MAP4K1: variants seen among roughly 807,000 people sequenced by gnomAD.
MAP4K1 encodes the protein mitogen-activated protein kinase kinase kinase kinase 1, also known as MAPK/ERK kinase kinase kinase 1.
In MAP4K1, 35 loss-of-function variants were observed where a neutral mutation model predicts 122.8. The observed-to-expected ratio is 0.29, with a 90% CI of 0.22 to 0.38. The LOEUF is 0.38. Ranked by LOEUF, MAP4K1 falls within the 10% of genes least tolerant of loss-of-function variation. MAP4K1 has a pLI of 1.00. For missense variants in MAP4K1, 791 were observed against 1,072.6 expected (o/e 0.74, Z 3.67); for synonymous variants, 412 against 421.3 (o/e 0.98, Z 0.27).
At chr19:38,590,383 AAAAAAAAAAAAATATATATATATATATAT>A (rs1403172647) in intron 30 of MAP4K1, among the ~76,000 whole-genome samples, 3 of 69,996 alleles carry the variant, frequency 4.3e-5, no homozygotes, top group Admixed American at 1.8e-4. Context: ...GAAAAAAAAA[AAAAAAAAAAAAATATATATATATATATAT>A]ATATATATAT....
chr19:38,595,096 C>G (rs908065220), intron 29 of MAP4K1, among the ~76,000 whole-genome samples: 2 of 151,938 alleles, frequency 1.3e-5, no homozygotes, highest in Non-Finnish European at 1.5e-5. Context: ...ACCATCCAGC[C>G]TGATGAACAT....
intron 22 of MAP4K1, among the ~76,000 whole-genome samples, chr19:38,598,301 G>T (rs1599696222): frequency 6.6e-6 from 1 of 151,782 alleles, no homozygotes; most frequent in East Asian, 1.9e-4. Flanking sequence ...AAAGTGTTGG[G>T]ATTACAGGTG....
chr19:38,616,100 A>T, intron 4 of MAP4K1, 95 bp downstream of exon 4: 1 of 841,462 alleles, frequency 1.2e-6, no homozygotes, highest in African/African-American at 1.7e-5. Context: ...AGTTCCTGTG[A>T]GATACACACA....
At position 38,587,672 on chromosome 19, in the gene MAP4K1, G is replaced by A. The variant is rs913735626; in HGVS notation, c.*76C>T. 59 of 1,159,560 alleles carry A rather than the reference G, an allele frequency of 5.1e-5. No homozygotes were observed. The Middle Eastern group carries it at 6.6e-4, about 13-fold the overall frequency. The allele number at this position is 1,159,560 out of a possible 1,614,324, so 71.8% of individuals were successfully genotyped here. On this transcript the variant is annotated 3_prime_UTR_variant, in exon 31 of 31. Transcript: ENST00000396857. ...GCTAAAGTCATGTTTATTGGGAGAT[G>A]AGGACATGCCATGACCACTAGTGTG...
In MAP4K1 at chr19:38,597,441, G is replaced by A; in HGVS notation, c.1778+45C>T. ...GACAGCAGGAGGCAGAGGGGCATGGGAGGAATTATAAGGCTGTGTGGTGCC... is the reference window on the plus strand; with the variant it reads ...GACAGCAGGAGGCAGAGGGGCATGGAAGGAATTATAAGGCTGTGTGGTGCC... On this transcript the variant is annotated intron_variant, in intron 23 of 30. Coordinates refer to ENST00000396857, the MANE Select transcript of MAP4K1 (RefSeq NM_001042600.3). This position sits in a 1 kb window ranked among gnomAD's most constrained non-coding sequence, Gnocchi z 4.6. 6.2e-7 allele frequency: 1 copy of A among 1,612,986 alleles called. No homozygotes were observed. The highest frequency in any genetic ancestry group is 8.5e-7 in the Non-Finnish European group (1 of 1,179,012).
rs1189985345 is a variant in MAP4K1 at position 38,590,385 on chromosome 19, AAAAAAAAAAATATATATATATATAT to A, written c.2397-2593_2397-2569del. 2.7e-4 allele frequency among the ~76,000 whole-genome samples: 21 copies of A among 78,398 alleles called. 1 individual carries two copies. The highest frequency in any genetic ancestry group is 8.8e-4 in the East Asian group (2 of 2,282). The allele number at this position is 78,398 out of a possible 152,430, so 51.4% of individuals were successfully genotyped here. A position where few individuals can be genotyped will look rare whatever the true frequency, so the allele number is the denominator to read the frequency against. ...TGATCTTGGACCAGAAAAAAAAAAA[AAAAAAAAAAATATATATATATATAT>A]ATATATATATATATATATATATATA... On this transcript the variant is annotated intron_variant, in intron 30 of 30. Transcript: ENST00000396857.
At chr19:38,603,249 T>C (rs1443946342) in intron 19 of MAP4K1, among the ~76,000 whole-genome samples, 4 of 147,444 alleles carry the variant, frequency 2.7e-5, no homozygotes, top group African/African-American at 5.0e-5. Context: ...TATACACATG[T>C]ACATATATAC....
At chr19:38,609,882 A>G (rs1446730959) in intron 12 of MAP4K1, 27 bp downstream of exon 12, 1 of 1,585,640 alleles carries the variant, frequency 6.3e-7, no homozygotes, top group Non-Finnish European at 8.7e-7. Context: ...AGAGGTCCCC[A>G]GTGCTCTTGT....
chr19:38,613,991 G>A (rs542447655), intron 7 of MAP4K1, 39 bp from the exon 8 acceptor site: 24 of 1,612,990 alleles, frequency 1.5e-5, no homozygotes, highest in African/African-American at 4.0e-5. Flanking sequence ...GGGGTCCACT[G>A]CGCTTCCGGC....
rs746667635 is a variant in MAP4K1 at position 38,614,234 on chromosome 19, C to T, written c.417+11G>A. ...CCACCCCCCAACAGCACCCCTACAC[C>T]CCCAGACCACCTTGATGTCCCTGTG... On this transcript the variant is annotated intron_variant, in intron 6 of 30. Coordinates refer to ENST00000396857, the MANE Select transcript of MAP4K1 (RefSeq NM_001042600.3). 3 of 1,614,084 alleles carry T rather than the reference C, an allele frequency of 1.9e-6. No individual in the cohort carries two copies. Among genetic ancestry groups the T allele is most frequent in the South Asian group, 1.1e-5 (1 of 91,082 alleles).
chr19:38,591,257 A>G (rs969072822), intron 30 of MAP4K1, among the ~76,000 whole-genome samples: 29 of 151,936 alleles, frequency 1.9e-4, no homozygotes, highest in African/African-American at 7.0e-4. Flanking sequence ...GGCCAGGTAC[A>G]GTGGCTCACG....
chr19:38,616,639 T>A (rs1411074960), intron 3 of MAP4K1, among the ~76,000 whole-genome samples: 1 of 152,098 alleles, frequency 6.6e-6, no homozygotes, highest in Non-Finnish European at 1.5e-5. Flanking sequence ...GCATCTGGAA[T>A]ATTAATTTGG....
chr19:38,596,808 C>A (rs1283915326), intron 25 of MAP4K1, among the ~76,000 whole-genome samples: 2 of 152,060 alleles, frequency 1.3e-5, no homozygotes, highest in Non-Finnish European at 2.9e-5. Flanking sequence ...CAGCATTGAG[C>A]CTGAGGAATA....
intron 20 of MAP4K1, 113 bp from the exon 21 acceptor site, chr19:38,600,266 C>T: frequency 1.2e-6 from 1 of 856,198 alleles, no homozygotes; most frequent in Non-Finnish European, 1.9e-6. Context: ...ACCCTCTATT[C>T]TTTCTCCAAA....
At chr19:38,605,257 C>T (rs1975289480) in intron 19 of MAP4K1, 152 bp downstream of exon 19, 1 of 623,694 alleles carries the variant, frequency 1.6e-6, no homozygotes, top group Non-Finnish European at 2.8e-6. Flanking sequence ...AAGCTTTATG[C>T]CATGTAATGA....
chr19:38,606,336 A>C (rs1474428475), intron 16 of MAP4K1, 121 bp from the exon 17 acceptor site: 3 of 593,420 alleles, frequency 5.1e-6, no homozygotes, highest in Non-Finnish European at 9.2e-6. Context: ...TTAAGGGATG[A>C]CTGGTTCTGC....
intron 17 of MAP4K1, 146 bp downstream of exon 17, chr19:38,606,027 C>A: frequency 1.4e-6 from 1 of 692,264 alleles, no homozygotes; most frequent in Non-Finnish European, 2.5e-6. Context: ...TGAGGGATGC[C>A]ACTTCCAGAT....
chr19:38,596,750 CAA>C (rs1054921408), intron 25 of MAP4K1, among the ~76,000 whole-genome samples: 5 of 152,164 alleles, frequency 3.3e-5, no homozygotes, highest in African/African-American at 1.2e-4. Context: ...CTTAGACACT[CAA>C]AGAGACAGGC....
chr19:38,610,074 G>A (rs566776746), intron 11 of MAP4K1, 49 bp from the exon 12 acceptor site: 3 of 1,356,390 alleles, frequency 2.2e-6, no homozygotes, highest in South Asian at 2.3e-5. Flanking sequence ...TGTGGACAGA[G>A]AGGGCTGGTG....
Sources: gnomAD v4.1 joint callset for allele counts (sites outside exome capture counted in the v4.1 genomes callset) on GRCh38, gnomAD v4.1.1 for gene constraint, Gnocchi (gnomAD v3.1) non-coding constraint, MANE v1.5 for transcripts, NCBI Gene and HGNC (gene_info 2026-07-23, HGNC 2026-07-21) for gene names.